Variants in EXOC5 observed in about 807,000 individuals in gnomAD.
EXOC5 encodes the protein exocyst complex component 5.
In EXOC5, 17 loss-of-function variants were observed where a neutral mutation model predicts 90.8. The observed-to-expected ratio is 0.19, with a 90% CI of 0.13 to 0.28. EXOC5 has a LOEUF of 0.28. Among genes scored for constraint, EXOC5 ranks in the 10% least tolerant of loss-of-function variants. The probability of loss-of-function intolerance (pLI) is 1.00; values close to 1 mark genes in which losing one functional copy is unlikely to be tolerated. For missense variants in EXOC5, 569 were observed against 830.6 expected (o/e 0.69, Z 3.87); for synonymous variants, 260 against 270.0 (o/e 0.96, Z 0.36).
chr14:57,225,949 T>G (rs1265462344), intron 12 of EXOC5, among the ~76,000 whole-genome samples: 1 of 152,202 alleles, frequency 6.6e-6, no homozygotes, highest in Non-Finnish European at 1.5e-5. Context: ...ACCCTTTCAC[T>G]GAATATACAA....
At chr14:57,231,272 G>A (rs1883478605) in intron 11 of EXOC5, among the ~76,000 whole-genome samples, 1 of 152,058 alleles carries the variant, frequency 6.6e-6, no homozygotes, top group South Asian at 2.1e-4. Flanking sequence ...GCCTCCCAAA[G>A]TGCTGCGATT....
chr14:57,206,887 G>GCT lies in EXOC5; in HGVS notation c.*1720_*1721dup, dbSNP rs1882674288. 4 of 152,244 alleles carry GCT rather than the reference G, an allele frequency of 2.6e-5. No individual in the cohort carries two copies. The South Asian group carries it at 8.3e-4, about 32-fold the overall frequency. The allele number at this position is 152,244 out of a possible 1,614,324, so 9.4% of individuals were successfully genotyped here. ...TTTACAAATTGACACTGTACAAAGA[G>GCT]CTTAAATGGCCAGTAAAACTACTGC... On this transcript the variant is annotated 3_prime_UTR_variant, in exon 18 of 18. Transcript: ENST00000621441.
chr14:57,229,863 T>C lies in EXOC5; in HGVS notation c.1167A>G (p.Glu389=). Residue 389 remains glutamate, a synonymous_variant, in exon 12 of 18, where the codon GAA becomes GAG. Coordinates refer to ENST00000621441, the MANE Select transcript of EXOC5 (RefSeq NM_006544.4). ...IGTGGIQDLK[E]RIRQRTNLPL... ...GTAAGTTGGTACGCTGTCTAATTCT[T>C]TCCTTCAAATCTTGAATACTAGTAC... 6.8e-7 allele frequency: 1 copy of C among 1,479,552 alleles called. No individual in the cohort carries two copies. Among genetic ancestry groups the C allele is most frequent in the Non-Finnish European group, 9.1e-7 (1 of 1,098,218 alleles). The allele number at this position is 1,479,552 out of a possible 1,614,324, so 91.7% of individuals were successfully genotyped here.
At position 57,206,381 on chromosome 14, in the gene EXOC5, CAT is replaced by C. The variant is rs1882653435; in HGVS notation, c.*2226_*2227del. The C allele has an allele frequency of 7.6e-6, 1 of 131,088 alleles. No individual in the cohort carries two copies. Among genetic ancestry groups the C allele is most frequent in the Admixed American group, 6.7e-5 (1 of 14,992 alleles). 8.1% of individuals were successfully genotyped at this position (131,088 alleles called of 1,614,324 possible). A position where few individuals can be genotyped will look rare whatever the true frequency, so the allele number is the denominator to read the frequency against. On this transcript the variant is annotated 3_prime_UTR_variant, in exon 18 of 18. Transcript: ENST00000621441. ...AGAATGCATATTGCCTCACATGACA[CAT>C]TTTTTTTTTTCCCTCAGAGAAAGAC...
intron 15 of EXOC5, among the ~76,000 whole-genome samples, chr14:57,217,690 T>C (rs904072131): frequency 2.0e-5 from 3 of 152,118 alleles, no homozygotes; most frequent in Admixed American, 6.6e-5. Context: ...GGCCTCTAAG[T>C]GTTCAACTGA....
chr14:57,224,826 C>T (rs376689079), intron 12 of EXOC5, among the ~76,000 whole-genome samples: 1 of 152,156 alleles, frequency 6.6e-6, no homozygotes, highest in South Asian at 2.1e-4. Context: ...CTTTGGGAAG[C>T]CGAGGCGGGC....
Position 57,207,862 on chromosome 14 carries a change from AG to A in EXOC5, c.*746del. ...CCTTAAGTGAAATACAAAATAAGGT[AG>A]TTTTATTAATTTCTTACTAGAATTG... On this transcript the variant is annotated 3_prime_UTR_variant, in exon 18 of 18. Transcript: ENST00000621441. 1 of 152,258 alleles carries A rather than the reference AG, an allele frequency of 6.6e-6. No homozygotes were observed. Among genetic ancestry groups the A allele is most frequent in the East Asian group, 1.9e-4 (1 of 5,186 alleles). The allele number at this position is 152,258 out of a possible 1,614,324, so 9.4% of individuals were successfully genotyped here.
intron 1 of EXOC5, among the ~76,000 whole-genome samples, chr14:57,258,025 A>G (rs1461547776): frequency 6.6e-6 from 1 of 152,234 alleles, no homozygotes; most frequent in Non-Finnish European, 1.5e-5. Flanking sequence ...TATGAAATTT[A>G]GCTTTACATA....
chr14:57,210,163 C>CT, intron 15 of EXOC5, 102 bp from the exon 16 acceptor site: 1 of 591,690 alleles, frequency 1.7e-6, no homozygotes, highest in Non-Finnish European at 3.0e-6. Context: ...ATTTAATTTC[C>CT]TATCACCATG....
chr14:57,250,736 G>T (rs914409789), intron 1 of EXOC5, among the ~76,000 whole-genome samples: 1 of 152,126 alleles, frequency 6.6e-6, no homozygotes, highest in Non-Finnish European at 1.5e-5. Flanking sequence ...TACAGAATAA[G>T]AACTATTATA....
chr14:57,205,620 A>G lies in EXOC5; in HGVS notation c.*2989T>C, dbSNP rs1170707860. 6.1e-6 allele frequency: 2 copies of G among 328,184 alleles called. No individual in the cohort carries two copies. Among genetic ancestry groups the G allele is most frequent in the Non-Finnish European group, 1.2e-5 (2 of 172,322 alleles). The allele number at this position is 328,184 out of a possible 1,614,324, so 20.3% of individuals were successfully genotyped here. On this transcript the variant is annotated 3_prime_UTR_variant, in exon 18 of 18. Coordinates refer to ENST00000621441, the MANE Select transcript of EXOC5 (RefSeq NM_006544.4). ...GTAAATATTCACCATTACAGGTAAGAAAAACGCATTTTAGGGAAGCAGTGA... is the reference window on the plus strand; with the variant it reads ...GTAAATATTCACCATTACAGGTAAGGAAAACGCATTTTAGGGAAGCAGTGA...
rs1375393961 is a variant in EXOC5, at chr14:57,205,182, A to G, written c.*3427T>C. On this transcript the variant is annotated 3_prime_UTR_variant, in exon 18 of 18. Coordinates refer to ENST00000621441, the MANE Select transcript of EXOC5 (RefSeq NM_006544.4). ...GACTTAAATCAATACATGTAACTATAATTATCTTTATTATGCAGCAAAATT... is the reference window on the plus strand; with the variant it reads ...GACTTAAATCAATACATGTAACTATGATTATCTTTATTATGCAGCAAAATT... The G allele has an allele frequency of 3.3e-5, 5 of 152,026 alleles. No individual in the cohort carries two copies. The allele number at this position is 152,026 out of a possible 1,614,324, so 9.4% of individuals were successfully genotyped here.
chr14:57,238,148 T>A (rs748707480), intron 5 of EXOC5, among the ~76,000 whole-genome samples: 2 of 151,094 alleles, frequency 1.3e-5, no homozygotes, highest in Admixed American at 6.6e-5. Context: ...GTAGATCAGA[T>A]CACATATAAG....
chr14:57,249,406 C>T (rs908661144), intron 1 of EXOC5, among the ~76,000 whole-genome samples: 1 of 148,290 alleles, frequency 6.7e-6, no homozygotes, highest in Non-Finnish European at 1.5e-5. Context: ...CAATTAAACA[C>T]GTTATACTGT....
intron 3 of EXOC5, among the ~76,000 whole-genome samples, chr14:57,246,029 G>A (rs545180353): frequency 4.0e-5 from 6 of 151,730 alleles, no homozygotes; most frequent in South Asian, 4.2e-4. Context: ...CAGCCTGGGC[G>A]ACAGAGTAAA....
chr14:57,258,802 T>C (rs1884420317), intron 1 of EXOC5, among the ~76,000 whole-genome samples: 1 of 152,216 alleles, frequency 6.6e-6, no homozygotes, highest in South Asian at 2.1e-4. Context: ...AATTTTTATA[T>C]TTTCTTGTAT....
At chr14:57,237,144 C>T (rs1883688071) in intron 6 of EXOC5, among the ~76,000 whole-genome samples, 194 bp downstream of exon 6, 1 of 151,948 alleles carries the variant, frequency 6.6e-6, no homozygotes, top group African/African-American at 2.4e-5. Flanking sequence ...ATAGATTATT[C>T]TGCAAGAATA....
chr14:57,259,649 A>T (rs905242848), intron 1 of EXOC5, among the ~76,000 whole-genome samples: 3 of 152,154 alleles, frequency 2.0e-5, no homozygotes, highest in African/African-American at 7.2e-5. Context: ...TTCTTCTTTG[A>T]AGGGTTCCTT....
Position 57,208,392 on chromosome 14 carries a change from A to G in EXOC5, c.*217T>C. The G allele has an allele frequency of 5.1e-6, 2 of 392,110 alleles. No individual in the cohort carries two copies. The highest frequency in any genetic ancestry group is 2.0e-5 in the African/African-American group (1 of 49,602). 24.3% of individuals were successfully genotyped at this position (392,110 alleles called of 1,614,324 possible). ...CATTCAAGAATGGAATTAAAATTCA[A>G]TGTGAGGGGAAAAAAGCAAAATATA... On this transcript the variant is annotated 3_prime_UTR_variant, in exon 18 of 18. Coordinates refer to ENST00000621441, the MANE Select transcript of EXOC5 (RefSeq NM_006544.4).
Sources: allele counts gnomAD v4.1 joint callset (sites outside exome capture counted in the v4.1 genomes callset), GRCh38; gene constraint gnomAD v4.1.1; transcripts MANE v1.5; gene names NCBI Gene and HGNC (gene_info 2026-07-23, HGNC 2026-07-21).